Variants in COL4A1 observed in about 807,000 individuals in gnomAD.
COL4A1 encodes collagen alpha-1(IV) chain.
COL4A1 carries 40 observed loss-of-function variants against 216.6 expected under a neutral mutation model. The ratio of observed to expected loss-of-function variants is 0.18; its 90% CI spans 0.14 to 0.24. COL4A1 has a LOEUF of 0.24. Among genes scored for constraint, COL4A1 ranks in the 10% least tolerant of loss-of-function variants. The pLI, the probability that COL4A1 is intolerant of heterozygous loss-of-function variation, is 1.00. For missense variants in COL4A1, 1,628 were observed against 2,196.8 expected (o/e 0.74, Z 5.18); for synonymous variants, 839 against 810.7 (o/e 1.03, Z -0.59).
At chr13:110,239,758 A>G (rs7995601) in intron 2 of COL4A1, among the ~76,000 whole-genome samples, 29,980 of 152,084 alleles carry the variant, frequency 0.2, 3,375 homozygotes, top group African/African-American at 0.3. Flanking sequence ...ACTGAGGAAG[A>G]TCCACTTCTT....
intron 1 of COL4A1, chr13:110,265,664 A>G (rs1266759088): frequency 6.6e-6 from 1 of 152,266 alleles, no homozygotes; most frequent in Non-Finnish European, 1.5e-5. Context: ...AGGAGATCCT[A>G]TGCACATCCT....
At chr13:110,266,505 C>G (rs1191124060) in intron 1 of COL4A1, among the ~76,000 whole-genome samples, 1 of 152,174 alleles carries the variant, frequency 6.6e-6, no homozygotes, top group African/African-American at 2.4e-5. Flanking sequence ...CAAAACTCAT[C>G]TAGCAAAAGA....
intron 24 of COL4A1, among the ~76,000 whole-genome samples, chr13:110,189,103 G>A (rs1448644041): frequency 3.3e-5 from 5 of 152,170 alleles, no homozygotes; most frequent in African/African-American, 4.8e-5. Context: ...CGCTCTTGTT[G>A]CCCAGGCTGG....
At chr13:110,249,067 AAG>A (rs1199774996) in intron 1 of COL4A1, among the ~76,000 whole-genome samples, 1 of 152,032 alleles carries the variant, frequency 6.6e-6, no homozygotes, top group Non-Finnish European at 1.5e-5. Context: ...TGCCCTAAAA[AAG>A]AATCTTAAAA....
rs1235914196 is a variant in COL4A1, at chr13:110,166,219, C to T, written c.4021+13G>A. 6.4e-7 allele frequency: 1 copy of T among 1,555,552 alleles called. No homozygotes were observed. The highest frequency in any genetic ancestry group is 1.7e-5 in the Admixed American group (1 of 59,986). ...CACCAGTAAGGTGTCCACAGATCAACAAACTCTCCTACCTTTAGCTCCCGG... is the reference window on the plus strand; with the variant it reads ...CACCAGTAAGGTGTCCACAGATCAATAAACTCTCCTACCTTTAGCTCCCGG... On this transcript the variant is annotated intron_variant, in intron 45 of 51. Transcript: ENST00000375820.
Position 110,253,508 on chromosome 13 carries a change from G to A in COL4A1, c.85-10774C>T, listed in dbSNP as rs566413595. 4.6e-5 allele frequency among the ~76,000 whole-genome samples: 6 copies of A among 129,554 alleles called. 1 individual carries two copies. In the East Asian group the frequency reaches 9.1e-4, roughly 20 times the overall value. 85.0% of individuals were successfully genotyped at this position (129,554 alleles called of 152,430 possible). On this transcript the variant is annotated intron_variant, in intron 1 of 51. Coordinates refer to ENST00000375820, the MANE Select transcript of COL4A1 (RefSeq NM_001845.6). The stretch of plus-strand genomic sequence containing the variant: ...GTATTATATATACATATAATTATAC[G>A]TATTACATATACATATAATTATAAG...
chr13:110,202,058 G>A (rs1355218312), intron 18 of COL4A1, among the ~76,000 whole-genome samples: 1 of 152,170 alleles, frequency 6.6e-6, no homozygotes, highest in African/African-American at 2.4e-5. Flanking sequence ...AAAGGATCCT[G>A]CCAGGCAGGC....
chr13:110,267,664 C>G (rs1883094377), intron 1 of COL4A1, among the ~76,000 whole-genome samples: 1 of 152,102 alleles, frequency 6.6e-6, no homozygotes, highest in East Asian at 1.9e-4. Context: ...GAAAACTGAT[C>G]TATAGCTGGA....
intron 1 of COL4A1, chr13:110,265,507 C>T (rs1882994126): frequency 6.6e-6 from 1 of 152,202 alleles, no homozygotes; most frequent in Non-Finnish European, 1.5e-5. Context: ...GGCTTCACAG[C>T]GCGTGAGCCT....
chr13:110,193,032 T>G, intron 22 of COL4A1, 119 bp from the exon 23 acceptor site: 5 of 921,460 alleles, frequency 5.4e-6, no homozygotes, highest in Non-Finnish European at 7.0e-6. Flanking sequence ...AACTTAGGTT[T>G]GCTCAGTGGC....
chr13:110,165,027 T>A (rs775748351), intron 45 of COL4A1, 37 bp from the exon 46 acceptor site: 16 of 1,591,582 alleles, frequency 1.0e-5, no homozygotes, highest in Non-Finnish European at 1.4e-5. Context: ...AATTTCACTG[T>A]CCACATACTG....
chr13:110,245,135 T>A (rs1881738489), intron 1 of COL4A1, among the ~76,000 whole-genome samples: 1 of 152,162 alleles, frequency 6.6e-6, no homozygotes, highest in South Asian at 2.1e-4. Flanking sequence ...ATTACCTGAC[T>A]GCTCCAGATC....
intron 1 of COL4A1, among the ~76,000 whole-genome samples, chr13:110,256,313 T>C (rs948736985): frequency 3.9e-5 from 6 of 152,166 alleles, no homozygotes; most frequent in Admixed American, 1.3e-4. Flanking sequence ...CACAGGATGA[T>C]TGCAACAAAC....
intron 21 of COL4A1, among the ~76,000 whole-genome samples, chr13:110,196,241 C>A (rs1181448214): frequency 1.3e-5 from 2 of 152,172 alleles, no homozygotes; most frequent in African/African-American, 2.4e-5. Flanking sequence ...CAAGAAAGCC[C>A]AAGTGGGGTC....
intron 1 of COL4A1, among the ~76,000 whole-genome samples, chr13:110,267,360 C>T (rs1450153221): frequency 6.6e-6 from 1 of 152,190 alleles, no homozygotes; most frequent in Non-Finnish European, 1.5e-5. Context: ...AACTCAAGCT[C>T]ACAAAGATGA....
At chr13:110,213,270 A>T (rs1879907445) in intron 4 of COL4A1, among the ~76,000 whole-genome samples, 1 of 48,030 alleles carries the variant, frequency 2.1e-5, no homozygotes, top group Non-Finnish European at 5.3e-5. Context: ...AATTGAAATA[A>T]AAAAAAACAA....
At chr13:110,246,183 A>G (rs1432289835) in intron 1 of COL4A1, among the ~76,000 whole-genome samples, 3 of 152,050 alleles carry the variant, frequency 2.0e-5, no homozygotes, top group African/African-American at 7.2e-5. Context: ...TAGAATGACA[A>G]GAATGACAAA....
intron 1 of COL4A1, 74 bp downstream of exon 1, chr13:110,306,870 C>A (rs879651036): frequency 5.9e-6 from 8 of 1,348,940 alleles, no homozygotes; most frequent in Non-Finnish European, 7.7e-6. Context: ...CGGGTCCAGG[C>A]GCGGACAAAG....
At chr13:110,162,541 T>G (rs1428603968) in intron 47 of COL4A1, 99 bp from the exon 48 acceptor site, 8 of 932,510 alleles carry the variant, frequency 8.6e-6, no homozygotes, top group Non-Finnish European at 1.2e-5. Flanking sequence ...TATTTTATAT[T>G]TCCACAAAGT....
Sources: allele counts gnomAD v4.1 joint callset (sites outside exome capture counted in the v4.1 genomes callset), GRCh38; gene constraint gnomAD v4.1.1; transcripts MANE v1.5; gene names NCBI Gene and HGNC (gene_info 2026-07-23, HGNC 2026-07-21).